Variants in PPP1R16B observed in about 807,000 individuals in gnomAD.
PPP1R16B encodes the protein protein phosphatase 1 regulatory subunit 16B.
In PPP1R16B, 14 loss-of-function variants were observed where a neutral mutation model predicts 61.7. That is an observed-to-expected ratio of 0.23 (90% CI 0.15 to 0.35). The LOEUF (loss-of-function observed/expected upper bound fraction) is 0.35, where lower values mean the gene tolerates loss of function less well. PPP1R16B is among the 10% of genes least tolerant of loss of function. The probability of loss-of-function intolerance (pLI) is 1.00; values close to 1 mark genes in which losing one functional copy is unlikely to be tolerated. For missense variants in PPP1R16B, 547 were observed against 752.5 expected (o/e 0.73, Z 3.19); for synonymous variants, 266 against 305.3 (o/e 0.87, Z 1.34).
intron 3 of PPP1R16B, among the ~76,000 whole-genome samples, chr20:38,894,123 C>A (rs2085314393): frequency 1.3e-5 from 2 of 151,930 alleles, no homozygotes; most frequent in South Asian, 4.2e-4. Flanking sequence ...CGCACCCCCG[C>A]ACCCCCGCCC....
chr20:38,846,333 AGCAGAGAAGGGATC>A (rs969492773), intron 2 of PPP1R16B, among the ~76,000 whole-genome samples: 2 of 152,142 alleles, frequency 1.3e-5, no homozygotes, highest in African/African-American at 2.4e-5. Flanking sequence ...GGGTAGTTGG[AGCAGAGAAGGGATC>A]GCAGAGAAGG....
chr20:38,911,474 C>G (rs981474892), intron 10 of PPP1R16B, among the ~76,000 whole-genome samples: 4 of 151,380 alleles, frequency 2.6e-5, no homozygotes, highest in African/African-American at 7.3e-5. Flanking sequence ...CCGCCTCATT[C>G]TTTTTTATTG....
chr20:38,903,649 C>T (rs924806279), intron 6 of PPP1R16B, among the ~76,000 whole-genome samples: 1 of 152,150 alleles, frequency 6.6e-6, no homozygotes, highest in African/African-American at 2.4e-5. Flanking sequence ...ATCCAGTCAA[C>T]ACACAGTTAT....
intron 10 of PPP1R16B, among the ~76,000 whole-genome samples, chr20:38,917,625 A>T (rs1214397753): frequency 2.0e-5 from 3 of 152,176 alleles, no homozygotes; most frequent in African/African-American, 7.2e-5. Flanking sequence ...AAATGGACTT[A>T]CACACAAGGA....
intron 2 of PPP1R16B, among the ~76,000 whole-genome samples, chr20:38,870,064 C>T (rs1022768388): frequency 3.9e-5 from 6 of 152,120 alleles, no homozygotes; most frequent in Non-Finnish European, 7.3e-5. Flanking sequence ...GCTGGGATTA[C>T]AGGTGCCCAC....
chr20:38,865,756 C>T (rs562513531), intron 2 of PPP1R16B, among the ~76,000 whole-genome samples: 1 of 152,270 alleles, frequency 6.6e-6, no homozygotes, highest in South Asian at 2.1e-4. Flanking sequence ...GGGTCTCCTG[C>T]TTCTGGTGTA....
intron 2 of PPP1R16B, among the ~76,000 whole-genome samples, chr20:38,859,541 G>C (rs2085032781): frequency 6.6e-6 from 1 of 152,208 alleles, no homozygotes; most frequent in Non-Finnish European, 1.5e-5. Flanking sequence ...GCCCAGACTG[G>C]GGTGCAGTGG....
intron 3 of PPP1R16B, among the ~76,000 whole-genome samples, chr20:38,894,756 G>A (rs2085321687): frequency 1.3e-5 from 2 of 152,304 alleles, no homozygotes; most frequent in South Asian, 4.1e-4. Flanking sequence ...CTGGTGCCTA[G>A]CTTGACGCTC....
chr20:38,818,481 A>T (rs1367644111), intron 1 of PPP1R16B, among the ~76,000 whole-genome samples: 1 of 152,226 alleles, frequency 6.6e-6, no homozygotes, highest in Non-Finnish European at 1.5e-5. Context: ...TGGACAGCAT[A>T]GGCAGTGGGA....
intron 1 of PPP1R16B, among the ~76,000 whole-genome samples, chr20:38,811,687 G>A (rs1383501802): frequency 6.6e-6 from 1 of 152,168 alleles, no homozygotes; most frequent in African/African-American, 2.4e-5. Flanking sequence ...CCTCCCCAGG[G>A]GATATTTGGC....
intron 2 of PPP1R16B, among the ~76,000 whole-genome samples, chr20:38,883,239 G>A (rs575813434): frequency 6.6e-5 from 10 of 152,348 alleles, no homozygotes; most frequent in South Asian, 6.2e-4. Context: ...GGCTGTCTCC[G>A]TTTCCCCAGA....
At chr20:38,894,332 C>G (rs1205036800) in intron 3 of PPP1R16B, among the ~76,000 whole-genome samples, 1 of 152,198 alleles carries the variant, frequency 6.6e-6, no homozygotes, top group Non-Finnish European at 1.5e-5. Flanking sequence ...GCTCCTGCTC[C>G]TTCTGTTGGC....
intron 10 of PPP1R16B, among the ~76,000 whole-genome samples, chr20:38,914,182 CAA>C (rs35482457): frequency 8.5e-5 from 11 of 128,934 alleles, no homozygotes; most frequent in African/African-American, 1.6e-4. Flanking sequence ...GACTCTATCT[CAA>C]AAAAAAAAAA....
intron 1 of PPP1R16B, among the ~76,000 whole-genome samples, chr20:38,819,506 A>G (rs1180353166): frequency 6.6e-6 from 1 of 152,106 alleles, no homozygotes; most frequent in African/African-American, 2.4e-5. Flanking sequence ...AAATAAATAT[A>G]TTATGTATAT....
intron 2 of PPP1R16B, among the ~76,000 whole-genome samples, chr20:38,876,563 T>C (rs2085169030): frequency 6.6e-6 from 1 of 151,942 alleles, no homozygotes; most frequent in Admixed American, 6.6e-5. Context: ...GAAGCCATTC[T>C]CAGCTTGCAA....
Position 38,836,032 on chromosome 20 carries a change from A to G in PPP1R16B, c.107A>G (p.Lys36Arg), listed in dbSNP as rs1355471156. 5.6e-6 allele frequency: 9 copies of G among 1,604,820 alleles called. No homozygotes were observed. The highest frequency in any genetic ancestry group is 7.6e-6 in the Non-Finnish European group (9 of 1,176,608). The change falls in exon 2 of 11, where the codon AAA (lysine) becomes AGA (arginine). Residue 36 changes from lysine (K) to arginine (R), a missense_variant. Coordinates refer to ENST00000299824, the MANE Select transcript of PPP1R16B (RefSeq NM_015568.4). ...AQKRRAQQLK[K>R]WAQYEQDLQH... Reference sequence around the variant, plus strand: ...AAGCGCCGGGCCCAGCAGCTGAAGAAATGGGCACAGTACGAGCAGGACTTG... The same window carrying G: ...AAGCGCCGGGCCCAGCAGCTGAAGAGATGGGCACAGTACGAGCAGGACTTG...
chr20:38,870,350 C>G (rs2085120461), intron 2 of PPP1R16B, among the ~76,000 whole-genome samples: 1 of 152,130 alleles, frequency 6.6e-6, no homozygotes, highest in Admixed American at 6.5e-5. Flanking sequence ...AACTACAAGT[C>G]CACATACACA....
intron 2 of PPP1R16B, among the ~76,000 whole-genome samples, chr20:38,863,043 G>A (rs1434268530): frequency 6.6e-6 from 1 of 152,142 alleles, no homozygotes; most frequent in Non-Finnish European, 1.5e-5. Context: ...AGACCATCGT[G>A]GTGCTGGGTC....
chr20:38,832,521 G>A (rs1157682536), intron 1 of PPP1R16B, among the ~76,000 whole-genome samples: 1 of 152,216 alleles, frequency 6.6e-6, no homozygotes, highest in Non-Finnish European at 1.5e-5. Flanking sequence ...ATAGAAAGCA[G>A]TGACAATCCC....
Sources: allele counts gnomAD v4.1 joint callset (sites outside exome capture counted in the v4.1 genomes callset), GRCh38; gene constraint gnomAD v4.1.1; transcripts MANE v1.5; gene names NCBI Gene and HGNC (gene_info 2026-07-23, HGNC 2026-07-21).